The following DNAAF11 variants were observed in gnomAD, a reference collection of about 807,000 sequenced individuals.
DNAAF11 encodes the protein leucine rich repeat containing 6.
DNAAF11 carries 45 observed loss-of-function variants against 60.8 expected under a neutral mutation model. The ratio of observed to expected loss-of-function variants is 0.74; its 90% CI spans 0.58 to 0.95. The LOEUF is 0.95. DNAAF11 is among the 40% of genes least tolerant of loss of function. The probability of loss-of-function intolerance (pLI) is 0.00; values close to 1 mark genes in which losing one functional copy is unlikely to be tolerated. For synonymous variants in DNAAF11, 191 were observed against 183.5 expected, an observed-to-expected ratio of 1.04 and a Z score of -0.33; for missense variants, 546 against 546.2, an observed-to-expected ratio of 1.00 and a Z score of 0.00.
At chr8:132,599,641 A>C (rs1188714381) in intron 10 of DNAAF11, among the ~76,000 whole-genome samples, 2 of 152,218 alleles carry the variant, frequency 1.3e-5, no homozygotes, top group African/African-American at 4.8e-5. Context: ...AATAAATGTA[A>C]TCCAGCATAT....
intron 10 of DNAAF11, among the ~76,000 whole-genome samples, chr8:132,606,532 T>A (rs1010759017): frequency 1.3e-5 from 2 of 152,192 alleles, no homozygotes; most frequent in Non-Finnish European, 2.9e-5. Context: ...TGGAGTGCAG[T>A]GGCACAATCA....
At position 132,572,121 on chromosome 8, in the gene DNAAF11, A is replaced by C. The variant is rs1814252299; in HGVS notation, c.*185T>G. Reference sequence around the variant, plus strand: ...AGGTAAATGATGAGTTATAGCATTTAAGACATACATTTTAATTTTAAGCTA... The same window carrying C: ...AGGTAAATGATGAGTTATAGCATTTCAGACATACATTTTAATTTTAAGCTA... On this transcript the variant is annotated 3_prime_UTR_variant, in exon 12 of 12. Coordinates refer to ENST00000620350, the MANE Select transcript of DNAAF11 (RefSeq NM_012472.6). 2.1e-6 allele frequency: 1 copy of C among 473,950 alleles called. No individual in the cohort carries two copies. Among genetic ancestry groups the C allele is most frequent in the Non-Finnish European group, 3.8e-6 (1 of 266,362 alleles). 29.4% of individuals were successfully genotyped at this position (473,950 alleles called of 1,614,324 possible).
intron 4 of DNAAF11, among the ~76,000 whole-genome samples, chr8:132,636,791 T>C (rs1252107638): frequency 6.6e-6 from 1 of 152,222 alleles, no homozygotes; most frequent in Non-Finnish European, 1.5e-5. Context: ...ATTTATCATT[T>C]ATTCTATATT....
At chr8:132,618,027 C>T (rs867140784) in intron 7 of DNAAF11, among the ~76,000 whole-genome samples, 2 of 149,838 alleles carry the variant, frequency 1.3e-5, no homozygotes, top group South Asian at 2.1e-4. Flanking sequence ...GGAGGCATCA[C>T]ACTACCTGAC....
At chr8:132,629,178 T>C (rs925206410) in intron 5 of DNAAF11, among the ~76,000 whole-genome samples, 43 of 152,102 alleles carry the variant, frequency 2.8e-4, no homozygotes, top group Admixed American at 2.8e-3. Flanking sequence ...TAAGAATCAA[T>C]ATAATGCATG....
At chr8:132,656,164 C>G (rs112698864) in intron 3 of DNAAF11, among the ~76,000 whole-genome samples, 17 of 152,136 alleles carry the variant, frequency 1.1e-4, no homozygotes, top group African/African-American at 4.1e-4. Context: ...CGTAGCCCCA[C>G]GCCCCCTTTC....
rs148071417 is a variant in DNAAF11, at chr8:132,612,534, C to T, written c.975-1171G>A. Among the ~76,000 whole-genome samples, 471 of 152,226 alleles carry T rather than the reference C, an allele frequency of 3.1e-3. 5 individuals carry two copies. Among genetic ancestry groups the T allele is most frequent in the African/African-American group, 0.011 (452 of 41,546 alleles). ...TCTCCCCCTTTCCCTGACTACTCCC[C>T]GCACAGCATTATTCCCATCCCTGAA... On this transcript the variant is annotated intron_variant, in intron 8 of 11. Coordinates refer to ENST00000620350, the MANE Select transcript of DNAAF11 (RefSeq NM_012472.6).
intron 1 of DNAAF11, 167 bp downstream of exon 1, chr8:132,675,317 C>T: frequency 7.7e-6 from 5 of 653,248 alleles, no homozygotes; most frequent in South Asian, 6.6e-5. Context: ...CTGCAGAGGA[C>T]CTGGTGCAGC....
chr8:132,616,609 C>A (rs1010621032), intron 7 of DNAAF11, among the ~76,000 whole-genome samples: 9 of 152,052 alleles, frequency 5.9e-5, no homozygotes, highest in Non-Finnish European at 1.2e-4. Context: ...CACAAGCACA[C>A]GATGCTGGAG....
At chr8:132,664,144 C>T (rs1394538598) in intron 1 of DNAAF11, among the ~76,000 whole-genome samples, 1 of 152,242 alleles carries the variant, frequency 6.6e-6, no homozygotes, top group African/African-American at 2.4e-5. Context: ...TACTTATACT[C>T]TTGCCCCAGA....
intron 5 of DNAAF11, 56 bp from the exon 6 acceptor site, chr8:132,625,510 T>C (rs1170868026): frequency 1.5e-6 from 2 of 1,302,068 alleles, no homozygotes; most frequent in East Asian, 4.7e-5. Flanking sequence ...AGCTTCATCC[T>C]TAATGCTGGC....
intron 3 of DNAAF11, among the ~76,000 whole-genome samples, chr8:132,654,082 T>C (rs977023642): frequency 1.3e-5 from 2 of 152,048 alleles, no homozygotes; most frequent in Non-Finnish European, 2.9e-5. Context: ...AGTTATACCA[T>C]ACAAATGGTA....
chr8:132,589,914 A>G (rs1816286558), intron 10 of DNAAF11, among the ~76,000 whole-genome samples: 2 of 152,228 alleles, frequency 1.3e-5, no homozygotes, highest in Admixed American at 6.5e-5. Flanking sequence ...ATGAAAGTTA[A>G]CATGAAGGTT....
chr8:132,701,504 G>A, the DNAAF11 span, among the ~76,000 whole-genome samples: 1 of 152,128 alleles, frequency 6.6e-6, no homozygotes, highest in African/African-American at 2.4e-5. Flanking sequence ...GAGGTGGGAA[G>A]GGCTACCTGG....
intron 10 of DNAAF11, among the ~76,000 whole-genome samples, chr8:132,589,115 T>C (rs775695800): frequency 6.6e-6 from 1 of 152,278 alleles, no homozygotes; most frequent in Non-Finnish European, 1.5e-5. Flanking sequence ...TTAATGGCCA[T>C]TAGATGACTT....
At chr8:132,577,306 C>T (rs1814851486) in intron 11 of DNAAF11, among the ~76,000 whole-genome samples, 1 of 152,278 alleles carries the variant, frequency 6.6e-6, no homozygotes, top group African/African-American at 2.4e-5. Context: ...TGCTAAGCTG[C>T]CGAACCACCT....
At chr8:132,701,100 A>C in the DNAAF11 span, among the ~76,000 whole-genome samples, 3 of 152,152 alleles carry the variant, frequency 2.0e-5, no homozygotes, top group East Asian at 5.8e-4. Context: ...CTTGTCTATG[A>C]AGAGGGAGCC....
intron 10 of DNAAF11, among the ~76,000 whole-genome samples, chr8:132,586,748 G>GGAGCTCACTGAGATGTTGACTGA (rs1815943453): frequency 6.6e-6 from 1 of 152,068 alleles, no homozygotes; most frequent in Non-Finnish European, 1.5e-5. Context: ...GGTCGGCCAG[G>GGAGCTCACTGAGATGTTGACTGA]GAGCTCACTG....
rs1563992420 is a variant in DNAAF11, at chr8:132,595,347, G to GAAAAAAAAAAAAAAAAAAAA, written c.1141-11569_1141-11568insTTTTTTTTTTTTTTTTTTTT. Among the ~76,000 whole-genome samples the GAAAAAAAAAAAAAAAAAAAA allele has an allele frequency of 2.2e-4, 9 of 40,680 alleles. 3 individuals carry two copies. The highest frequency in any genetic ancestry group is 2.9e-3 in the South Asian group (2 of 686). The allele number at this position is 40,680 out of a possible 152,430, so 26.7% of individuals were successfully genotyped here. ...TTCCCGAAAGAGAGAGAGACAGAGG[G>GAAAAAAAAAAAAAAAAAAAA]GAAAAAAAAAAAAAAAAAAAAAAAA... On this transcript the variant is annotated intron_variant, in intron 10 of 11. Transcript: ENST00000620350.
Sources: allele counts gnomAD v4.1 joint callset (sites outside exome capture counted in the v4.1 genomes callset), GRCh38; gene constraint gnomAD v4.1.1; transcripts MANE v1.5; gene names NCBI Gene and HGNC (gene_info 2026-07-23, HGNC 2026-07-21).